The following CAMTA1 variants were observed in gnomAD, a reference collection of about 807,000 sequenced individuals.
The protein encoded by CAMTA1 is calmodulin-binding transcription activator 1.
Under a neutral mutation model 170.9 loss-of-function variants are expected in CAMTA1, and 27 were observed. That is an observed-to-expected ratio of 0.16 (90% CI 0.12 to 0.22). The LOEUF is 0.22. Ranked by LOEUF, CAMTA1 falls within the 10% of genes least tolerant of loss-of-function variation. CAMTA1 has a pLI of 1.00. For synonymous variants in CAMTA1, 833 were observed against 891.5 expected (o/e 0.93, Z 1.17); for missense variants, 1,619 against 2,217.2 (o/e 0.73, Z 5.42).
intron 5 of CAMTA1, among the ~76,000 whole-genome samples, chr1:7,322,966 T>TCCGTTCCTCCCTTTCCCCTTCCC (rs1678674246): frequency 2.9e-5 from 1 of 34,018 alleles, no homozygotes; most frequent in Non-Finnish European, 6.3e-5. Context: ...CTCCCCTTCC[T>TCCGTTCCTCCCTTTCCCCTTCCC]CCGTTCCTCC....
intron 3 of CAMTA1, among the ~76,000 whole-genome samples, chr1:6,915,315 T>C (rs1199698637): frequency 6.6e-6 from 1 of 152,204 alleles, no homozygotes; most frequent in Non-Finnish European, 1.5e-5. Flanking sequence ...AAAATAATTT[T>C]TGTGGTTAGG....
intron 6 of CAMTA1, among the ~76,000 whole-genome samples, chr1:7,612,226 T>A (rs1480882913): frequency 1.3e-5 from 2 of 152,138 alleles, no homozygotes; most frequent in African/African-American, 2.4e-5. Flanking sequence ...GGGATTTGAT[T>A]GAGTGGTGGA....
At chr1:7,517,679 A>G (rs2094305377) in intron 6 of CAMTA1, among the ~76,000 whole-genome samples, 1 of 151,622 alleles carries the variant, frequency 6.6e-6, no homozygotes, top group South Asian at 2.1e-4. Flanking sequence ...GCTGGGGCTT[A>G]TTCTCAAATC....
intron 11 of CAMTA1, among the ~76,000 whole-genome samples, chr1:7,717,812 A>C (rs2096622179): frequency 6.6e-6 from 1 of 152,238 alleles, no homozygotes; most frequent in South Asian, 2.1e-4. Context: ...ACTTGGCTGA[A>C]AAAAAGCCCA....
chr1:7,315,978 C>T (rs1348924011), intron 5 of CAMTA1, among the ~76,000 whole-genome samples: 2 of 152,190 alleles, frequency 1.3e-5, no homozygotes, highest in Non-Finnish European at 2.9e-5. Context: ...CCTCAGGAAA[C>T]TTAACAATCA....
intron 6 of CAMTA1, among the ~76,000 whole-genome samples, chr1:7,577,649 G>A (rs755266613): frequency 1.3e-5 from 2 of 151,790 alleles, no homozygotes; most frequent in African/African-American, 4.8e-5. Context: ...CACTCACACC[G>A]TCCTGCATGT....
Position 7,423,549 on chromosome 1 carries a change from GTCAT to G in CAMTA1, c.439-44279_439-44276del, listed in dbSNP as rs141650464. On this transcript the variant is annotated intron_variant, in intron 5 of 22. Transcript: ENST00000303635. ...TGTACCCAGCCTCCCCCCGCCGGGT[GTCAT>G]TACCTCATTCTCTATTGTTCTACTT... Among the ~76,000 whole-genome samples the G allele has an allele frequency of 4.8e-3, 728 of 151,530 alleles. 1 individual carries two copies. The highest frequency in any genetic ancestry group is 0.012 in the South Asian group (56 of 4,794).
intron 3 of CAMTA1, among the ~76,000 whole-genome samples, chr1:7,021,583 C>T (rs1180882635): frequency 2.0e-5 from 3 of 152,152 alleles, no homozygotes; most frequent in South Asian, 2.1e-4. Flanking sequence ...ACAGTGAGCA[C>T]GGGCAGGAGG....
At chr1:6,885,445 C>G (rs1672942616) in intron 3 of CAMTA1, among the ~76,000 whole-genome samples, 1 of 152,158 alleles carries the variant, frequency 6.6e-6, no homozygotes, top group South Asian at 2.1e-4. Flanking sequence ...CTCAAACCAT[C>G]CAAAGTATAA....
chr1:7,734,191 C>T (rs2096754121), intron 12 of CAMTA1, among the ~76,000 whole-genome samples: 1 of 152,230 alleles, frequency 6.6e-6, no homozygotes, highest in African/African-American at 2.4e-5. Context: ...AGGTGATCCG[C>T]CTGCCTCGGC....
At chr1:7,670,599 ACT>A (rs1451051683) in intron 9 of CAMTA1, among the ~76,000 whole-genome samples, 2 of 151,744 alleles carry the variant, frequency 1.3e-5, no homozygotes, top group African/African-American at 4.8e-5. Flanking sequence ...GGTTTGCAAA[ACT>A]CTGCACTCCC....
intron 10 of CAMTA1, among the ~76,000 whole-genome samples, chr1:7,676,328 C>T (rs143227143): frequency 4.8e-4 from 73 of 152,304 alleles, no homozygotes; most frequent in African/African-American, 1.7e-3. Flanking sequence ...AGGTTCCCAG[C>T]CAGGGTGGAA....
chr1:7,578,387 T>A (rs541711203), intron 6 of CAMTA1, among the ~76,000 whole-genome samples: 1 of 152,196 alleles, frequency 6.6e-6, no homozygotes, highest in South Asian at 2.1e-4. Context: ...CACGTGTCCC[T>A]CCCCGCCAGG....
At chr1:6,792,203 C>T (rs1641310497) in intron 1 of CAMTA1, among the ~76,000 whole-genome samples, 2 of 151,982 alleles carry the variant, frequency 1.3e-5, no homozygotes, top group South Asian at 2.1e-4. Flanking sequence ...AGTGATCCGC[C>T]CACCTAGGCC....
At chr1:7,480,792 G>A (rs187212640) in intron 6 of CAMTA1, among the ~76,000 whole-genome samples, 6 of 152,112 alleles carry the variant, frequency 3.9e-5, no homozygotes, top group East Asian at 3.9e-4. Context: ...CCAGCCCCAC[G>A]GCCCCAGTGC....
chr1:7,383,982 A>AT (rs1006175493), intron 5 of CAMTA1, among the ~76,000 whole-genome samples: 2 of 152,150 alleles, frequency 1.3e-5, no homozygotes, highest in African/African-American at 4.8e-5. Context: ...AGCCCCATAC[A>AT]TGTAATGGAG....
intron 6 of CAMTA1, among the ~76,000 whole-genome samples, chr1:7,619,986 A>C (rs2095586525): frequency 6.6e-6 from 1 of 152,318 alleles, no homozygotes; most frequent in Non-Finnish European, 1.5e-5. Flanking sequence ...CATTCAAAGC[A>C]ATGTATATGT....
chr1:7,421,718 TTGG>T (rs977732747), intron 5 of CAMTA1, among the ~76,000 whole-genome samples: 1 of 152,126 alleles, frequency 6.6e-6, no homozygotes, highest in Non-Finnish European at 1.5e-5. Context: ...TGCCACCTCA[TTGG>T]TGGTACCAGG....
chr1:7,369,671 C>T (rs545626454), intron 5 of CAMTA1, among the ~76,000 whole-genome samples: 1 of 152,102 alleles, frequency 6.6e-6, no homozygotes, highest in African/African-American at 2.4e-5. Context: ...GGCCTTGGTG[C>T]CCAGTCTTTA....
Sources: allele counts gnomAD v4.1 joint callset (sites outside exome capture counted in the v4.1 genomes callset), GRCh38; gene constraint gnomAD v4.1.1; transcripts MANE v1.5; gene names NCBI Gene and HGNC (gene_info 2026-07-23, HGNC 2026-07-21).